Variants in SLC4A5 observed in about 807,000 individuals in gnomAD.
SLC4A5 encodes the protein electrogenic sodium bicarbonate cotransporter 4.
In SLC4A5, 96 loss-of-function variants were observed where a neutral mutation model predicts 120.4. That is an observed-to-expected ratio of 0.80 (90% CI 0.68 to 0.94). The LOEUF (loss-of-function observed/expected upper bound fraction) is 0.94, where lower values mean the gene tolerates loss of function less well. Ranked by LOEUF, SLC4A5 falls within the 40% of genes least tolerant of loss-of-function variation. The probability of loss-of-function intolerance (pLI) is 0.00; values close to 1 mark genes in which losing one functional copy is unlikely to be tolerated. For missense variants in SLC4A5, 1,259 were observed against 1,459.5 expected, an observed-to-expected ratio of 0.86 and a Z score of 2.24; for synonymous variants, 550 against 571.1, an observed-to-expected ratio of 0.96 and a Z score of 0.53.
chr2:74,234,496 G>T (rs1670206979), intron 22 of SLC4A5, among the ~76,000 whole-genome samples: 1 of 152,168 alleles, frequency 6.6e-6, no homozygotes, highest in African/African-American at 2.4e-5. Context: ...TCTTATGAGG[G>T]AGTAGGGCTG....
exon 15 of SLC4A5, chr2:74,252,986 G>C (rs144841708): frequency 6.2e-7 from 1 of 1,614,190 alleles, no homozygotes; most frequent in Admixed American, 1.7e-5. Context: ...CTTGTCAGCA[G>C]AGGGCACCTT....
intron 6 of SLC4A5, among the ~76,000 whole-genome samples, chr2:74,312,286 T>C (rs891838752): frequency 3.3e-5 from 5 of 151,830 alleles, no homozygotes; most frequent in African/African-American, 9.7e-5. Flanking sequence ...TGCATTTTTT[T>C]TGAGACAGAG....
chr2:74,327,772 C>T (rs1053467184), intron 5 of SLC4A5, among the ~76,000 whole-genome samples: 1 of 152,116 alleles, frequency 6.6e-6, no homozygotes, highest in Non-Finnish European at 1.5e-5. Flanking sequence ...ACAAAGACAA[C>T]AGAAATTTAC....
At chr2:74,242,097 G>T in intron 19 of SLC4A5, 45 bp from the exon 20 acceptor site, 2 of 1,563,670 alleles carry the variant, frequency 1.3e-6, no homozygotes, top group Non-Finnish European at 1.7e-6. Context: ...CAGCTGTGGG[G>T]CTGGGAGCTG....
At chr2:74,271,497 A>G (rs1671473925) in intron 8 of SLC4A5, among the ~76,000 whole-genome samples, 1 of 152,232 alleles carries the variant, frequency 6.6e-6, no homozygotes, top group South Asian at 2.1e-4. Context: ...TCTTAGGCTC[A>G]GAGCCTAAAA....
chr2:74,233,555 C>T, exon 23 of SLC4A5: 1 of 1,612,196 alleles, frequency 6.2e-7, no homozygotes, highest in Non-Finnish European at 8.5e-7. Flanking sequence ...CTCGGTCAGG[C>T]CGCGTTGGCT....
In SLC4A5 at chr2:74,338,497, A is replaced by G. The variant is rs748409610; in HGVS notation, c.-221+358T>C. 1.1e-4 allele frequency among the ~76,000 whole-genome samples: 16 copies of G among 152,228 alleles called. No homozygotes were observed. The East Asian group carries it at 2.7e-3, about 26-fold the overall frequency. On this transcript the variant is annotated intron_variant, in intron 3 of 30. Transcript: ENST00000394019. ...AGATAAGCACAGCCTCGATGCAGCCAGTTTGGCTGTATTTATATAACTTTA... is the reference window on the plus strand; with the variant it reads ...AGATAAGCACAGCCTCGATGCAGCCGGTTTGGCTGTATTTATATAACTTTA...
exon 11 of SLC4A5, chr2:74,262,210 A>C (rs767343471): frequency 1.3e-6 from 2 of 1,542,658 alleles, no homozygotes; most frequent in South Asian, 2.4e-5. Flanking sequence ...GGCCAGCACC[A>C]GGGCTCCGGG....
exon 27 of SLC4A5, chr2:74,227,070 G>A (rs775252679): frequency 4.3e-6 from 7 of 1,614,050 alleles, no homozygotes; most frequent in Non-Finnish European, 5.9e-6. Flanking sequence ...ACGTGCCGCA[G>A]GAAGGCATGG....
intron 7 of SLC4A5, among the ~76,000 whole-genome samples, chr2:74,292,659 T>C (rs1357769222): frequency 1.3e-5 from 2 of 151,558 alleles, no homozygotes; most frequent in African/African-American, 4.8e-5. Flanking sequence ...ACACAAAGAA[T>C]CATGCTTTTA....
At chr2:74,223,051 C>T (rs1694712215) in intron 28 of SLC4A5, 99 bp from the exon 29 acceptor site, 2 of 745,612 alleles carry the variant, frequency 2.7e-6, no homozygotes, top group Non-Finnish European at 4.2e-6. Context: ...ACTGCCCAGG[C>T]TGGAGTGCAG....
chr2:74,227,577 G>C, intron 26 of SLC4A5: 3 of 1,594,344 alleles, frequency 1.9e-6, no homozygotes, highest in Non-Finnish European at 2.6e-6. Flanking sequence ...GTAAAATGGG[G>C]ATCAGAGGAC....
intron 3 of SLC4A5, among the ~76,000 whole-genome samples, chr2:74,337,894 G>C (rs1673534586): frequency 6.6e-6 from 1 of 152,182 alleles, no homozygotes; most frequent in African/African-American, 2.4e-5. Context: ...TTAAATGAGA[G>C]TGATCCCATG....
intron 6 of SLC4A5, among the ~76,000 whole-genome samples, chr2:74,314,097 T>C (rs1487179113): frequency 1.3e-5 from 2 of 152,228 alleles, no homozygotes; most frequent in East Asian, 1.9e-4. Context: ...ATATTTATTA[T>C]AGAAATCAGA....
At chr2:74,342,631 T>C (rs941466875) in intron 1 of SLC4A5, 97 bp from the exon 2 acceptor site, 3 of 152,246 alleles carry the variant, frequency 2.0e-5, no homozygotes, top group Non-Finnish European at 4.4e-5. Flanking sequence ...CACGGCTGGA[T>C]GACCCTTTTT....
At chr2:74,245,086 C>A (rs886725268) in intron 19 of SLC4A5, among the ~76,000 whole-genome samples, 4 of 152,086 alleles carry the variant, frequency 2.6e-5, no homozygotes, top group Admixed American at 6.6e-5. Flanking sequence ...TTTGGGAGGC[C>A]AGGGCAGGCA....
At chr2:74,308,865 G>T (rs1672727055) in intron 6 of SLC4A5, among the ~76,000 whole-genome samples, 1 of 151,486 alleles carries the variant, frequency 6.6e-6, no homozygotes, top group Non-Finnish European at 1.5e-5. Context: ...ATACATTTAG[G>T]TTTAAGATCC....
chr2:74,285,978 T>TA lies in SLC4A5; in HGVS notation c.272-77dup, dbSNP rs1671969759. 4 of 1,464,544 alleles carry TA rather than the reference T, an allele frequency of 2.7e-6. No homozygotes were observed. In the East Asian group the frequency reaches 1.0e-4, roughly 38 times the overall value. 90.7% of individuals were successfully genotyped at this position (1,464,544 alleles called of 1,614,324 possible). A position where few individuals can be genotyped will look rare whatever the true frequency, so the allele number is the denominator to read the frequency against. Reference sequence around the variant, plus strand: ...GACCACAAGGCCAACAGAAATGGAGTAGGAGGCAAGCACAAGGGAAAAGTA... The same window carrying TA: ...GACCACAAGGCCAACAGAAATGGAGTAAGGAGGCAAGCACAAGGGAAAAGTA... On this transcript the variant is annotated intron_variant, in intron 7 of 30. Transcript: ENST00000394019.
intron 17 of SLC4A5, among the ~76,000 whole-genome samples, chr2:74,248,980 T>C (rs937992116): frequency 3.3e-5 from 5 of 152,184 alleles, no homozygotes; most frequent in Non-Finnish European, 2.9e-5. Context: ...ACCAGGCAAT[T>C]CCCATATAGC....
Sources: allele counts gnomAD v4.1 joint callset (sites outside exome capture counted in the v4.1 genomes callset), GRCh38; gene constraint gnomAD v4.1.1; transcripts MANE v1.5; gene names NCBI Gene and HGNC (gene_info 2026-07-23, HGNC 2026-07-21).